The following PARN variants were observed in gnomAD, a reference collection of about 807,000 sequenced individuals.
PARN encodes poly(A)-specific ribonuclease PARN.
PARN carries 71 observed loss-of-function variants against 102.8 expected under a neutral mutation model. The observed-to-expected ratio is 0.69, with a 90% CI of 0.57 to 0.84. PARN has a LOEUF of 0.84. PARN is among the 40% of genes least tolerant of loss of function. The pLI, the probability that PARN is intolerant of heterozygous loss-of-function variation, is 0.00. For synonymous variants in PARN, 261 were observed against 252.9 expected (o/e 1.03, Z -0.30); for missense variants, 782 against 760.9 (o/e 1.03, Z -0.33).
At chr16:14,517,391 C>A (rs1350731838) in intron 21 of PARN, among the ~76,000 whole-genome samples, 1 of 152,190 alleles carries the variant, frequency 6.6e-6, no homozygotes, top group Non-Finnish European at 1.5e-5. Context: ...GAGGCTCCCA[C>A]TGTCCCAGTA....
At chr16:14,567,354 A>G (rs1034980778) in intron 18 of PARN, among the ~76,000 whole-genome samples, 52 of 152,190 alleles carry the variant, frequency 3.4e-4, no homozygotes, top group African/African-American at 1.2e-3. Context: ...AATTTACACA[A>G]TCCAGAAGAG....
rs529367333 is a variant in PARN at position 14,585,254 on chromosome 16, C to A, written c.963-463G>T. On this transcript the variant is annotated intron_variant, in intron 14 of 23. Coordinates refer to ENST00000437198, the MANE Select transcript of PARN (RefSeq NM_002582.4). Reference sequence around the variant, plus strand: ...AATTCTTCTGCAGGGCCAAAATCTACAATCAGTACTTTCACGCTGTTGTTT... The same window carrying A: ...AATTCTTCTGCAGGGCCAAAATCTAAAATCAGTACTTTCACGCTGTTGTTT... Among the ~76,000 whole-genome samples, 52 of 152,076 alleles carry A rather than the reference C, an allele frequency of 3.4e-4. 2 individuals carry two copies. Among genetic ancestry groups the A allele is most frequent in the Non-Finnish European group, 4.4e-5 (3 of 68,024 alleles).
Position 14,436,738 on chromosome 16 carries a change from A to C in PARN, c.1899T>G (p.Phe633Leu). 6.2e-7 allele frequency: 1 copy of C among 1,601,632 alleles called. No homozygotes were observed. Among genetic ancestry groups the C allele is most frequent in the Non-Finnish European group, 8.5e-7 (1 of 1,174,228 alleles). The change falls in exon 24 of 24, where the codon TTT becomes TTG. Residue 633 changes from phenylalanine to leucine, a missense_variant. Transcript: ENST00000437198. ...SISKNSPATL[F>L]EVPDTW ...TTGGTTACCATGTGTCAGGAACTTC[A>C]AAGAGTGTGGCAGGGCTGTTCTTCG...
chr16:14,578,988 T>C (rs979304535), intron 18 of PARN, among the ~76,000 whole-genome samples: 3 of 152,134 alleles, frequency 2.0e-5, no homozygotes, highest in African/African-American at 7.2e-5. Context: ...AGCTAGCTTT[T>C]TTTTCTTTTT....
chr16:14,532,458 A>G (rs1966394336), intron 21 of PARN, among the ~76,000 whole-genome samples: 1 of 152,222 alleles, frequency 6.6e-6, no homozygotes, highest in South Asian at 2.1e-4. Context: ...CCCTGAGTGG[A>G]CACAGCACAT....
chr16:14,522,233 T>C (rs1358839222), intron 21 of PARN, among the ~76,000 whole-genome samples: 2 of 152,166 alleles, frequency 1.3e-5, no homozygotes, highest in Middle Eastern at 3.2e-3. Context: ...CAAACATCAT[T>C]TGCACATCAA....
At chr16:14,477,453 A>C (rs1241841168) in intron 22 of PARN, among the ~76,000 whole-genome samples, 3 of 149,282 alleles carry the variant, frequency 2.0e-5, no homozygotes, top group Non-Finnish European at 3.0e-5. Flanking sequence ...AAAAAAAAAA[A>C]CATAACCCTG....
Position 14,630,198 on chromosome 16 carries a change from G to C in PARN, c.-73C>G. On this transcript the variant is annotated 5_prime_UTR_variant, in exon 1 of 24. Coordinates refer to ENST00000437198, the MANE Select transcript of PARN (RefSeq NM_002582.4). ...TCAGCGGTTCTACTCGCCGAATTCC[G>C]CGGCGACTGCGGCAGTAGCTGAGGC... The C allele has an allele frequency of 2.3e-6, 3 of 1,327,272 alleles. No individual in the cohort carries two copies. Among genetic ancestry groups the C allele is most frequent in the Non-Finnish European group, 3.1e-6 (3 of 954,360 alleles). The allele number at this position is 1,327,272 out of a possible 1,614,324, so 82.2% of individuals were successfully genotyped here.
At chr16:14,610,573 T>C in intron 7 of PARN, 71 bp downstream of exon 7, 1 of 894,938 alleles carries the variant, frequency 1.1e-6, no homozygotes, top group South Asian at 1.4e-5. Context: ...AGCACAGGTT[T>C]GAGATATAGA....
chr16:14,440,093 T>C (rs1329708546), intron 23 of PARN, among the ~76,000 whole-genome samples: 2 of 152,054 alleles, frequency 1.3e-5, no homozygotes, highest in Non-Finnish European at 1.5e-5. Flanking sequence ...CCTAGAAGAA[T>C]ATATTTGTAA....
rs749033458 is a variant in PARN, at chr16:14,610,682, C to T, written c.516G>A (p.Thr172=). ...VSPNTSKCPV[T]IPEDQKKFID... ...TAAACTTCTTTTGATCCTCAGGAAT[C>T]GTGACAGGACATTTTGAAGTGTTAG... Residue 172 remains threonine (T), a synonymous_variant, in exon 7 of 24, where the codon ACG becomes ACA. Transcript: ENST00000437198. 1.9e-6 allele frequency: 3 copies of T among 1,610,816 alleles called. No homozygotes were observed. The highest frequency in any genetic ancestry group is 1.7e-4 in the Middle Eastern group (1 of 6,052).
chr16:14,579,278 T>G (rs1206483173), intron 18 of PARN, among the ~76,000 whole-genome samples: 3 of 152,242 alleles, frequency 2.0e-5, no homozygotes, highest in African/African-American at 7.2e-5. Context: ...CAGCTAAGCT[T>G]TTTAATCAAA....
intron 21 of PARN, among the ~76,000 whole-genome samples, chr16:14,512,406 T>C (rs1965237962): frequency 6.6e-6 from 1 of 152,064 alleles, no homozygotes; most frequent in Non-Finnish European, 1.5e-5. Context: ...GGCACGAGAA[T>C]TGTTTGAGCC....
chr16:14,607,211 A>C (rs1971242878), intron 9 of PARN, among the ~76,000 whole-genome samples: 1 of 151,820 alleles, frequency 6.6e-6, no homozygotes, highest in Non-Finnish European at 1.5e-5. Context: ...TATTTTATTT[A>C]TTTATTTATT....
At chr16:14,471,174 C>T (rs1353905312) in intron 22 of PARN, among the ~76,000 whole-genome samples, 1 of 152,180 alleles carries the variant, frequency 6.6e-6, no homozygotes, top group African/African-American at 2.4e-5. Context: ...CACTCTCACT[C>T]GATTAAAGCA....
chr16:14,517,454 C>G (rs948764064), intron 21 of PARN, among the ~76,000 whole-genome samples: 2 of 152,184 alleles, frequency 1.3e-5, no homozygotes, highest in African/African-American at 4.8e-5. Flanking sequence ...CCCAGCCAGT[C>G]TGGCCTAGAC....
At chr16:14,553,241 G>T in intron 20 of PARN, among the ~76,000 whole-genome samples, 1 of 114,908 alleles carries the variant, frequency 8.7e-6, no homozygotes, top group African/African-American at 3.5e-5. Flanking sequence ...TACACAGGAA[G>T]ACCCTATTTC....
intron 21 of PARN, among the ~76,000 whole-genome samples, chr16:14,542,814 A>G (rs1385675723): frequency 6.6e-6 from 1 of 152,110 alleles, no homozygotes; most frequent in Non-Finnish European, 1.5e-5. Flanking sequence ...GAAAAAAGGA[A>G]CAGAGCATTA....
At chr16:14,569,297 A>G (rs1968640693) in intron 18 of PARN, among the ~76,000 whole-genome samples, 1 of 152,228 alleles carries the variant, frequency 6.6e-6, no homozygotes, top group South Asian at 2.1e-4. Flanking sequence ...CTTCAAGTTC[A>G]CTACAGTGTA....
Sources: gnomAD v4.1 joint callset for allele counts (sites outside exome capture counted in the v4.1 genomes callset) on GRCh38, gnomAD v4.1.1 for gene constraint, MANE v1.5 for transcripts, NCBI Gene and HGNC (gene_info 2026-07-23, HGNC 2026-07-21) for gene names.